Variants in MYT1L observed in about 807,000 individuals in gnomAD.
MYT1L encodes the protein myelin transcription factor 1 like, also known as myelin transcription factor 1-like protein.
Under a neutral mutation model 126.7 loss-of-function variants are expected in MYT1L, and 12 were observed. That is an observed-to-expected ratio of 0.09 (90% CI 0.06 to 0.15). MYT1L has a LOEUF of 0.15. Among genes scored for constraint, MYT1L ranks in the 10% least tolerant of loss-of-function variants. The probability of loss-of-function intolerance (pLI) is 1.00; values close to 1 mark genes in which losing one functional copy is unlikely to be tolerated. For missense variants in MYT1L, 979 were observed against 1,585.2 expected (o/e 0.62, Z 6.49); for synonymous variants, 541 against 604.2 (o/e 0.90, Z 1.53).
chr2:2,299,904 A>G (rs1361520971), intron 1 of MYT1L, among the ~76,000 whole-genome samples: 2 of 152,180 alleles, frequency 1.3e-5, no homozygotes, highest in African/African-American at 2.4e-5. Context: ...CAGCCTACTG[A>G]TGTATTGTGT....
chr2:2,115,371 T>A (rs958161790), intron 3 of MYT1L, among the ~76,000 whole-genome samples: 4 of 152,296 alleles, frequency 2.6e-5, no homozygotes, highest in Admixed American at 6.5e-5. Context: ...TTTGAATAAA[T>A]GAATTTATAG....
chr2:2,275,366 A>G (rs1413830368), intron 2 of MYT1L, among the ~76,000 whole-genome samples: 3 of 152,028 alleles, frequency 2.0e-5, no homozygotes, highest in Non-Finnish European at 4.4e-5. Context: ...GATGAAGCTA[A>G]TACCTTAAAA....
chr2:2,131,583 G>A (rs2082356783), intron 3 of MYT1L, among the ~76,000 whole-genome samples: 1 of 152,166 alleles, frequency 6.6e-6, no homozygotes, highest in South Asian at 2.1e-4. Flanking sequence ...TAAATGAGAG[G>A]TTAGTAGCTT....
At chr2:2,004,800 G>A (rs201681626) in intron 4 of MYT1L, among the ~76,000 whole-genome samples, 5,721 of 73,670 alleles carry the variant, frequency 0.078, 169 homozygotes, top group African/African-American at 0.1. Context: ...TCCTGCATGT[G>A]TTCTTTCCTG....
intron 3 of MYT1L, among the ~76,000 whole-genome samples, chr2:2,112,477 C>T (rs988656840): frequency 6.6e-6 from 1 of 152,190 alleles, no homozygotes; most frequent in Non-Finnish European, 1.5e-5. Flanking sequence ...TACTGACTTC[C>T]TTCTGCAAAG....
chr2:2,201,485 G>A (rs962420442), intron 2 of MYT1L, among the ~76,000 whole-genome samples: 4 of 152,096 alleles, frequency 2.6e-5, no homozygotes, highest in Non-Finnish European at 4.4e-5. Context: ...GGATCACGAG[G>A]TCAAGAGTTT....
At chr2:2,209,030 A>G (rs1572476811) in intron 2 of MYT1L, among the ~76,000 whole-genome samples, 1 of 150,890 alleles carries the variant, frequency 6.6e-6, no homozygotes, top group African/African-American at 2.4e-5. Context: ...ACACACCCCA[A>G]ATAGATTCAA....
At position 2,169,557 on chromosome 2, in the gene MYT1L, G is replaced by A. The variant is rs114298314; in HGVS notation, c.-304+3315C>T. Among the ~76,000 whole-genome samples, 625 of 152,238 alleles carry A rather than the reference G, an allele frequency of 4.1e-3. 4 individuals are homozygous for A. Among genetic ancestry groups the A allele is most frequent in the African/African-American group, 0.015 (604 of 41,550 alleles). ...CAGCATTAACCTTTTTATCGAGCTG[G>A]TGGCATACAGTCCCCTGCAACCGGA... On this transcript the variant is annotated intron_variant, in intron 3 of 24. Coordinates refer to ENST00000647738, the MANE Select transcript of MYT1L (RefSeq NM_001303052.2).
chr2:2,137,533 C>T lies in MYT1L; in HGVS notation c.-304+35339G>A, dbSNP rs556606702. Reference sequence around the variant, plus strand: ...CAGAACAGAGCCCTCAGAAATAATGCCACATATCTACAACTATCTGATCTT... The same window carrying T: ...CAGAACAGAGCCCTCAGAAATAATGTCACATATCTACAACTATCTGATCTT... On this transcript the variant is annotated intron_variant, in intron 3 of 24. Transcript: ENST00000647738. Among the ~76,000 whole-genome samples, 175 of 152,226 alleles carry T rather than the reference C, an allele frequency of 1.1e-3. 1 individual carries two copies. The highest frequency in any genetic ancestry group is 3.6e-3 in the African/African-American group (148 of 41,538).
intron 1 of MYT1L, among the ~76,000 whole-genome samples, chr2:2,315,896 A>G (rs2096057548): frequency 6.6e-6 from 1 of 152,172 alleles, no homozygotes; most frequent in South Asian, 2.1e-4. Flanking sequence ...AGCCCCATTC[A>G]TTCTATACAT....
chr2:2,169,075 T>G (rs1397652054), intron 3 of MYT1L, among the ~76,000 whole-genome samples: 3 of 152,204 alleles, frequency 2.0e-5, no homozygotes, highest in East Asian at 1.9e-4. Flanking sequence ...AAGCAATTAT[T>G]ATGTCCATTT....
intron 3 of MYT1L, among the ~76,000 whole-genome samples, chr2:2,132,921 A>T (rs2082568964): frequency 6.6e-6 from 1 of 152,190 alleles, no homozygotes; most frequent in African/African-American, 2.4e-5. Context: ...CCTTAAAAGC[A>T]GTCCCCTGTC....
chr2:1,796,330 G>A (rs564259206), intron 23 of MYT1L, among the ~76,000 whole-genome samples: 3 of 152,248 alleles, frequency 2.0e-5, no homozygotes, highest in East Asian at 1.9e-4. Context: ...GGCGTTAGCA[G>A]TGGGGTGGTG....
intron 4 of MYT1L, among the ~76,000 whole-genome samples, chr2:2,037,529 C>T (rs1380004058): frequency 6.6e-6 from 1 of 151,136 alleles, no homozygotes; most frequent in Non-Finnish European, 1.5e-5. Context: ...GCCAAGGTGG[C>T]CAGATCATAT....
At chr2:2,030,974 G>T (rs1428271649) in intron 4 of MYT1L, among the ~76,000 whole-genome samples, 1 of 152,154 alleles carries the variant, frequency 6.6e-6, no homozygotes, top group African/African-American at 2.4e-5. Context: ...TTCTCACATT[G>T]TGAGGACATA....
intron 1 of MYT1L, among the ~76,000 whole-genome samples, chr2:2,313,883 C>T (rs565529486): frequency 6.6e-6 from 1 of 152,126 alleles, no homozygotes; most frequent in South Asian, 2.1e-4. Context: ...ACGCTGGGGC[C>T]CAACCCTCAC....
chr2:2,011,880 G>A (rs555044653), intron 4 of MYT1L, among the ~76,000 whole-genome samples: 2 of 152,208 alleles, frequency 1.3e-5, no homozygotes, highest in Admixed American at 6.5e-5. Flanking sequence ...GACAAGTGCT[G>A]GTCACTTGTC....
chr2:2,311,088 G>A (rs1210785596), intron 1 of MYT1L, among the ~76,000 whole-genome samples: 3 of 152,176 alleles, frequency 2.0e-5, no homozygotes, highest in Non-Finnish European at 4.4e-5. Flanking sequence ...GGTCTCAGCT[G>A]TTTCTTGTGG....
At chr2:2,315,052 A>G (rs577946164) in intron 1 of MYT1L, among the ~76,000 whole-genome samples, 4 of 152,318 alleles carry the variant, frequency 2.6e-5, no homozygotes, top group South Asian at 2.1e-4. Flanking sequence ...ACTTAAATGT[A>G]AAGCTTCTCT....
Sources: gnomAD v4.1 joint callset for allele counts (sites outside exome capture counted in the v4.1 genomes callset) on GRCh38, gnomAD v4.1.1 for gene constraint, MANE v1.5 for transcripts, NCBI Gene and HGNC (gene_info 2026-07-23, HGNC 2026-07-21) for gene names.